CPNE4: variants seen among roughly 807,000 people sequenced by gnomAD.
CPNE4 encodes copine-4.
A neutral mutation model predicts 67.9 loss-of-function variants in CPNE4; 25 were observed. That is an observed-to-expected ratio of 0.37 (90% CI 0.27 to 0.51). The LOEUF (loss-of-function observed/expected upper bound fraction) is 0.51. Among genes scored for constraint, CPNE4 ranks in the 20% least tolerant of loss-of-function variants. CPNE4 has a pLI of 0.93. For synonymous variants in CPNE4, 242 were observed against 244.9 expected, an observed-to-expected ratio of 0.99 and a Z score of 0.11; for missense variants, 464 against 690.8, an observed-to-expected ratio of 0.67 and a Z score of 3.68.
At chr3:132,037,623 TA>T (rs1218539220), upstream of CPNE4, 1 of 1,535,842 alleles carries the variant, frequency 6.5e-7, no homozygotes, top group South Asian at 1.2e-5. Flanking sequence ...CAAATTTATC[TA>T]AAGCCAAGCC....
chr3:131,666,805 A>C (rs2080274524), intron 7 of CPNE4, among the ~76,000 whole-genome samples: 1 of 151,994 alleles, frequency 6.6e-6, no homozygotes, highest in East Asian at 1.9e-4. Flanking sequence ...ACAGGGGGAA[A>C]AAAAAGGGGA....
intron 7 of CPNE4, among the ~76,000 whole-genome samples, chr3:131,637,426 T>A (rs2079418138): frequency 6.6e-6 from 1 of 152,052 alleles, no homozygotes; most frequent in South Asian, 2.1e-4. Context: ...TAGAATCAAA[T>A]GAGCAGAAGG....
intron 1 of CPNE4, among the ~76,000 whole-genome samples, chr3:132,019,502 A>T (rs749384071): frequency 5.9e-5 from 9 of 152,066 alleles, no homozygotes; most frequent in African/African-American, 9.7e-5. Context: ...ATGAATGATG[A>T]CATATATTAT....
At position 131,669,653 on chromosome 3, in the gene CPNE4, T is replaced by G. The variant is rs535847553; in HGVS notation, c.681+22A>C. The G allele has an allele frequency of 2.0e-5, 32 of 1,561,920 alleles. No homozygotes were observed. In the South Asian group the frequency reaches 3.6e-4, roughly 18 times the overall value. ...AAATACTTTTTTTAAAAAATCACATTTCTTGGACACAGATTTCTGACCTTT... is the reference window on the plus strand; with the variant it reads ...AAATACTTTTTTTAAAAAATCACATGTCTTGGACACAGATTTCTGACCTTT... On this transcript the variant is annotated intron_variant, in intron 7 of 15. Coordinates refer to ENST00000429747, the MANE Select transcript of CPNE4 (RefSeq NM_130808.3).
At chr3:132,008,422 A>G (rs2073662411) in intron 1 of CPNE4, among the ~76,000 whole-genome samples, 1 of 152,218 alleles carries the variant, frequency 6.6e-6, no homozygotes, top group African/African-American at 2.4e-5. Context: ...CCTTAATCAC[A>G]ATGCCATAAT....
chr3:131,766,582 T>C (rs2083022725), intron 2 of CPNE4, among the ~76,000 whole-genome samples: 2 of 152,100 alleles, frequency 1.3e-5, no homozygotes, highest in Admixed American at 1.3e-4. Flanking sequence ...CAAAAGCTGG[T>C]ACCAGCCAGC....
At chr3:131,618,018 T>A (rs1404397220) in intron 7 of CPNE4, among the ~76,000 whole-genome samples, 1 of 152,230 alleles carries the variant, frequency 6.6e-6, no homozygotes, top group Non-Finnish European at 1.5e-5. Flanking sequence ...CAAGATGTGG[T>A]ACCTGTTTTC....
Position 131,799,223 on chromosome 3 carries a change from T to C in CPNE4, c.181-75598A>G, listed in dbSNP as rs536210405. Among the ~76,000 whole-genome samples the C allele has an allele frequency of 3.3e-5, 5 of 152,296 alleles. No individual in the cohort carries two copies. The South Asian group carries it at 1.0e-3, about 32-fold the overall frequency. On this transcript the variant is annotated intron_variant, in intron 2 of 15. Transcript: ENST00000429747. ...ACACAATTAGCTGGGCAAGGACATT[T>C]TCCTGAAGTAAAAATAAACTCATTA...
At chr3:131,774,333 C>T (rs532009039) in intron 2 of CPNE4, among the ~76,000 whole-genome samples, 42 of 134,104 alleles carry the variant, frequency 3.1e-4, no homozygotes, top group South Asian at 9.9e-4. Context: ...CTGAAAAAAA[C>T]GGTAAGAAAA....
intron 7 of CPNE4, among the ~76,000 whole-genome samples, chr3:131,633,498 TA>T (rs2079289294): frequency 6.6e-6 from 1 of 151,070 alleles, no homozygotes; most frequent in Admixed American, 6.6e-5. Flanking sequence ...TACTACTAAA[TA>T]AAAACATTGA....
rs1272221656 is a variant in CPNE4 at position 131,671,890 on chromosome 3, TC to T, written c.592-2127del. Among the ~76,000 whole-genome samples the T allele has an allele frequency of 3.9e-5, 6 of 152,284 alleles. No homozygotes were observed. In the South Asian group the frequency reaches 1.0e-3, roughly 26 times the overall value. Reference sequence around the variant, plus strand: ...TTGTTGACTGTAGTCACCATATTGTTCTGTCAAATACTAGATCTTATTCATT... The same window carrying T: ...TTGTTGACTGTAGTCACCATATTGTTTGTCAAATACTAGATCTTATTCATT... On this transcript the variant is annotated intron_variant, in intron 6 of 15. Coordinates refer to ENST00000429747, the MANE Select transcript of CPNE4 (RefSeq NM_130808.3).
chr3:131,863,633 A>C (rs1455990723), intron 2 of CPNE4, among the ~76,000 whole-genome samples: 2 of 152,020 alleles, frequency 1.3e-5, no homozygotes, highest in Non-Finnish European at 2.9e-5. Context: ...AGGTTGTGAA[A>C]ATTTTCTCCT....
intron 1 of CPNE4, among the ~76,000 whole-genome samples, chr3:132,020,591 CAT>C (rs767348706): frequency 2.0e-5 from 3 of 152,130 alleles, no homozygotes; most frequent in South Asian, 4.1e-4. Flanking sequence ...TTCAGGATCA[CAT>C]GTTTTACACT....
chr3:131,940,214 T>C (rs538772414), intron 1 of CPNE4, among the ~76,000 whole-genome samples: 27 of 152,272 alleles, frequency 1.8e-4, no homozygotes, highest in African/African-American at 6.0e-4. Flanking sequence ...AATGAAACTT[T>C]GTTTCCAACA....
At chr3:131,844,932 A>G (rs1039298819) in intron 2 of CPNE4, among the ~76,000 whole-genome samples, 2 of 152,188 alleles carry the variant, frequency 1.3e-5, no homozygotes, top group African/African-American at 4.8e-5. Context: ...AAAAAGTGCA[A>G]TTACTATGAG....
chr3:131,707,925 A>G (rs2081454486), intron 3 of CPNE4, among the ~76,000 whole-genome samples: 1 of 152,112 alleles, frequency 6.6e-6, no homozygotes, highest in Non-Finnish European at 1.5e-5. Flanking sequence ...CAGTTTCCTC[A>G]TCTGTGAAAT....
chr3:131,969,651 C>T (rs571266851), intron 1 of CPNE4, among the ~76,000 whole-genome samples: 1 of 152,170 alleles, frequency 6.6e-6, no homozygotes, highest in Admixed American at 6.5e-5. Flanking sequence ...TCTTGGTGCA[C>T]TTCAGAGCAC....
chr3:131,838,885 T>C (rs2085662835), intron 2 of CPNE4, among the ~76,000 whole-genome samples: 1 of 151,842 alleles, frequency 6.6e-6, no homozygotes, highest in Non-Finnish European at 1.5e-5. Context: ...TGATTTACAA[T>C]GACTTAAAAT....
At chr3:132,019,529 C>T (rs1201700785) in intron 1 of CPNE4, among the ~76,000 whole-genome samples, 1 of 152,012 alleles carries the variant, frequency 6.6e-6, no homozygotes. Flanking sequence ...ATATAAAGAT[C>T]TACATATACA....
Sources: allele counts gnomAD v4.1 joint callset (sites outside exome capture counted in the v4.1 genomes callset), GRCh38; gene constraint gnomAD v4.1.1; transcripts MANE v1.5; gene names NCBI Gene and HGNC (gene_info 2026-07-23, HGNC 2026-07-21).